Variants in LRMDA observed in about 807,000 individuals in gnomAD.
The protein encoded by LRMDA is leucine rich melanocyte differentiation associated.
In LRMDA, 18 loss-of-function variants were observed where a neutral mutation model predicts 29.8. The ratio of observed to expected loss-of-function variants is 0.60; its 90% CI spans 0.42 to 0.90. The LOEUF (loss-of-function observed/expected upper bound fraction) is 0.90. Among genes scored for constraint, LRMDA ranks in the 40% least tolerant of loss-of-function variants. The probability of loss-of-function intolerance (pLI) is 0.00; values close to 1 mark genes in which losing one functional copy is unlikely to be tolerated. For synonymous variants in LRMDA, 125 were observed against 109.4 expected (o/e 1.14, Z -0.89); for missense variants, 273 against 273.9 (o/e 1.00, Z 0.02).
At chr10:75,838,034 A>T (rs11595613) in intron 2 of LRMDA, among the ~76,000 whole-genome samples, 1 of 151,976 alleles carries the variant, frequency 6.6e-6, no homozygotes, top group Admixed American at 6.5e-5. Flanking sequence ...TGAAGTATAT[A>T]TAAAAACCAC....
chr10:76,103,470 A>G (rs1455623861), intron 5 of LRMDA, among the ~76,000 whole-genome samples: 1 of 152,322 alleles, frequency 6.6e-6, no homozygotes, highest in East Asian at 1.9e-4. Flanking sequence ...TGCAGCACAC[A>G]GAGCTGCCAA....
chr10:76,406,812 A>G (rs969493450), intron 6 of LRMDA, among the ~76,000 whole-genome samples: 1 of 152,188 alleles, frequency 6.6e-6, no homozygotes, highest in South Asian at 2.1e-4. Flanking sequence ...TTATTGGTCC[A>G]TAGAATGAGC....
chr10:76,004,395 C>T (rs774878378), intron 2 of LRMDA, among the ~76,000 whole-genome samples: 23 of 152,208 alleles, frequency 1.5e-4, no homozygotes, highest in Non-Finnish European at 1.6e-4. Context: ...GCTTGTGAAT[C>T]ACAGTTTCTT....
intron 5 of LRMDA, among the ~76,000 whole-genome samples, chr10:76,216,349 T>C (rs1385569265): frequency 6.6e-6 from 1 of 152,114 alleles, no homozygotes. Context: ...GAGTGAGACC[T>C]TGTCTCTAAG....
In LRMDA at chr10:75,439,909, A is replaced by T. The variant is rs369377393; in HGVS notation, c.131+1415A>T. Among the ~76,000 whole-genome samples, 5 of 152,104 alleles carry T rather than the reference A, an allele frequency of 3.3e-5. No homozygotes were observed. The East Asian group carries it at 9.7e-4, about 30-fold the overall frequency. On this transcript the variant is annotated intron_variant, in intron 2 of 6. Transcript: ENST00000611255. ...AAAAGGCTTCCTTTCCTGGGCATGG[A>T]AGGAGTTCCTCCTGTGTGACCAGCC...
At chr10:76,254,332 TACCATA>T (rs1852544307) in intron 5 of LRMDA, among the ~76,000 whole-genome samples, 2 of 150,514 alleles carry the variant, frequency 1.3e-5, no homozygotes, top group Non-Finnish European at 2.9e-5. Context: ...TACCATACCA[TACCATA>T]CCATCCTATC....
chr10:76,371,927 A>G (rs1300248090), intron 6 of LRMDA, among the ~76,000 whole-genome samples: 2 of 151,958 alleles, frequency 1.3e-5, no homozygotes, highest in African/African-American at 2.4e-5. Context: ...TCATCTAGGG[A>G]CTTCTCTCTG....
At chr10:76,478,068 C>G (rs186424779) in intron 6 of LRMDA, among the ~76,000 whole-genome samples, 1 of 151,916 alleles carries the variant, frequency 6.6e-6, no homozygotes, top group African/African-American at 2.4e-5. Context: ...TAATTAAACT[C>G]AAGAGCTTCT....
chr10:76,439,323 G>A (rs1254267336), intron 6 of LRMDA, among the ~76,000 whole-genome samples: 1 of 152,164 alleles, frequency 6.6e-6, no homozygotes, highest in African/African-American at 2.4e-5. Flanking sequence ...ACATTTAAAT[G>A]TCTACCATCA....
intron 5 of LRMDA, among the ~76,000 whole-genome samples, chr10:76,279,319 G>A (rs924313177): frequency 9.2e-5 from 14 of 152,178 alleles, no homozygotes; most frequent in South Asian, 6.2e-4. Context: ...AATGTAAAGT[G>A]TTTATAGCAG....
At chr10:76,173,985 A>G (rs946284437) in intron 5 of LRMDA, among the ~76,000 whole-genome samples, 3 of 152,130 alleles carry the variant, frequency 2.0e-5, no homozygotes, top group Non-Finnish European at 4.4e-5. Flanking sequence ...TTGAAAATTG[A>G]ATTTGTAGTT....
At chr10:76,008,674 T>G (rs11001575) in intron 2 of LRMDA, among the ~76,000 whole-genome samples, 214 of 152,366 alleles carry the variant, frequency 1.4e-3, no homozygotes, top group African/African-American at 4.8e-3. Flanking sequence ...ACAAACTGGC[T>G]GGCAGTGTTT....
At chr10:75,584,119 C>A (rs1055380512) in intron 2 of LRMDA, among the ~76,000 whole-genome samples, 1 of 152,192 alleles carries the variant, frequency 6.6e-6, no homozygotes, top group Non-Finnish European at 1.5e-5. Context: ...ACAATATGGG[C>A]TGCTTTTTCC....
At chr10:76,335,689 A>G (rs1339167683) in intron 6 of LRMDA, among the ~76,000 whole-genome samples, 1 of 152,154 alleles carries the variant, frequency 6.6e-6, no homozygotes, top group African/African-American at 2.4e-5. Context: ...GGTTATAGGT[A>G]GATTTAAAAT....
intron 5 of LRMDA, among the ~76,000 whole-genome samples, chr10:76,220,346 G>A (rs1339557210): frequency 1.3e-5 from 2 of 151,602 alleles, no homozygotes; most frequent in Non-Finnish European, 2.9e-5. Flanking sequence ...TTTTTTGAAA[G>A]GATCAACAAA....
intron 6 of LRMDA, among the ~76,000 whole-genome samples, chr10:76,537,732 G>A (rs1399210961): frequency 1.3e-5 from 2 of 151,968 alleles, no homozygotes; most frequent in Admixed American, 1.3e-4. Context: ...ACCCCCATCT[G>A]CAAAGCCTCT....
intron 2 of LRMDA, among the ~76,000 whole-genome samples, chr10:75,888,641 G>C (rs1417798270): frequency 6.6e-6 from 1 of 152,172 alleles, no homozygotes; most frequent in African/African-American, 2.4e-5. Flanking sequence ...TTAGGCTCGG[G>C]CTGACTGGAG....
chr10:76,312,336 G>T (rs991671288), intron 5 of LRMDA, among the ~76,000 whole-genome samples: 1 of 152,038 alleles, frequency 6.6e-6, no homozygotes, highest in African/African-American at 2.4e-5. Context: ...TAAATTTCTT[G>T]CATTGGTATC....
intron 2 of LRMDA, among the ~76,000 whole-genome samples, chr10:75,890,223 T>A (rs186600618): frequency 9.2e-5 from 14 of 152,274 alleles, no homozygotes; most frequent in Admixed American, 3.9e-4. Flanking sequence ...GAAGAGACAT[T>A]GGAAAATCTG....
Sources: gnomAD v4.1 joint callset for allele counts (sites outside exome capture counted in the v4.1 genomes callset) on GRCh38, gnomAD v4.1.1 for gene constraint, MANE v1.5 for transcripts, NCBI Gene and HGNC (gene_info 2026-07-23, HGNC 2026-07-21) for gene names.